Variants in RGL1 observed in about 807,000 individuals in gnomAD.
The protein encoded by RGL1 is ral guanine nucleotide dissociation stimulator-like 1.
A neutral mutation model predicts 95.2 loss-of-function variants in RGL1; 24 were observed. That is an observed-to-expected ratio of 0.25 (90% CI 0.18 to 0.35). The LOEUF is 0.35. RGL1 is among the 10% of genes least tolerant of loss of function. The pLI is 1.00. For missense variants in RGL1, 715 were observed against 936.3 expected, an observed-to-expected ratio of 0.76 and a Z score of 3.08; for synonymous variants, 329 against 344.9, an observed-to-expected ratio of 0.95 and a Z score of 0.51.
chr1:183,888,627 G>A (rs1443383086), intron 8 of RGL1, 50 bp downstream of exon 8: 2 of 1,137,488 alleles, frequency 1.8e-6, no homozygotes, highest in Non-Finnish European at 2.7e-6. Flanking sequence ...GATAATTAGT[G>A]GTTGTGATGA....
Position 183,774,721 on chromosome 1 carries a change from G to A in RGL1, c.133-31654G>A, listed in dbSNP as rs183870126. On this transcript the variant is annotated intron_variant, in intron 2 of 18. Coordinates refer to the RGL1 transcript ENST00000304685. Reference sequence around the variant, plus strand: ...CTCCCGAGTAGCTGGGAGTACAGGCGCATGCCACCATGCCCGGCTAATTTT... The same window carrying A: ...CTCCCGAGTAGCTGGGAGTACAGGCACATGCCACCATGCCCGGCTAATTTT... Among the ~76,000 whole-genome samples the A allele has an allele frequency of 1.9e-3, 290 of 151,800 alleles. 1 individual carries two copies. Among genetic ancestry groups the A allele is most frequent in the African/African-American group, 5.9e-3 (245 of 41,382 alleles).
At chr1:183,742,361 G>A in intron 2 of RGL1, 2 of 1,576,544 alleles carry the variant, frequency 1.3e-6, no homozygotes, top group Non-Finnish European at 8.7e-7. Context: ...AATTCTTCGT[G>A]TAGCCAGCAC....
chr1:183,845,869 C>G (rs894554348), intron 2 of RGL1, among the ~76,000 whole-genome samples: 1 of 152,214 alleles, frequency 6.6e-6, no homozygotes, highest in Admixed American at 6.5e-5. Context: ...CAGTATGACT[C>G]AGCTCCAGCA....
Position 183,752,706 on chromosome 1 carries a change from T to TCTCTCTCTCTCTCTCTCTCTCTC in RGL1, c.132+10417_132+10418insCTCTCTCTCTCTCTCTCTCTCTC, listed in dbSNP as rs58775038. ...TCTCTCTCTCTCTCTCTCTCTCTCT[T>TCTCTCTCTCTCTCTCTCTCTCTC]TCCCCTTTCCTCTCTTTGGCCTTAA... On this transcript the variant is annotated intron_variant, in intron 2 of 18. Transcript: ENST00000304685. Among the ~76,000 whole-genome samples, 214 of 110,162 alleles carry TCTCTCTCTCTCTCTCTCTCTCTC rather than the reference T, an allele frequency of 1.9e-3. 31 individuals carry two copies. The highest frequency in any genetic ancestry group is 6.6e-3 in the African/African-American group (170 of 25,828). The allele number at this position is 110,162 out of a possible 152,430, so 72.3% of individuals were successfully genotyped here.
intron 16 of RGL1, among the ~76,000 whole-genome samples, chr1:183,921,000 C>T (rs962468904): frequency 6.6e-6 from 1 of 152,168 alleles, no homozygotes; most frequent in Non-Finnish European, 1.5e-5. Flanking sequence ...TTTCTATAGT[C>T]CTCTTGCCCC....
intron 2 of RGL1, among the ~76,000 whole-genome samples, chr1:183,839,195 A>G (rs1407906333): frequency 6.6e-6 from 1 of 152,120 alleles, no homozygotes; most frequent in South Asian, 2.1e-4. Context: ...TACTCTTCCT[A>G]TTTTAATTGA....
intron 2 of RGL1, among the ~76,000 whole-genome samples, chr1:183,824,313 T>G (rs1181028318): frequency 2.0e-5 from 3 of 152,222 alleles, no homozygotes; most frequent in East Asian, 3.8e-4. Flanking sequence ...CTCCTTTTAG[T>G]GTCCTTCCAG....
At chr1:183,744,511 GC>G (rs938405759) in intron 2 of RGL1, among the ~76,000 whole-genome samples, 31 of 152,190 alleles carry the variant, frequency 2.0e-4, no homozygotes, top group Admixed American at 5.9e-4. Context: ...TGCACCCTAG[GC>G]TTGATGCTTG....
rs549267976 is a variant in RGL1, at chr1:183,742,260, C to T, written c.103C>T (p.Arg35Ter). Residue 35 changes from arginine to a stop codon, truncating the protein, a stop_gained, in exon 2 of 19, where the codon CGA becomes TGA. Coordinates refer to the RGL1 transcript ENST00000304685. LOFTEE classifies it high-confidence loss of function. ...ACACTGGCTGGTGGAAGATCATGTT[C>T]GAATATGGGAAGTTTTAAAGACAGA... is the stretch of plus-strand genomic sequence containing the variant. The T allele has an allele frequency of 6.2e-7, 1 of 1,613,950 alleles. No individual in the cohort carries two copies. Among genetic ancestry groups the T allele is most frequent in the Non-Finnish European group, 8.5e-7 (1 of 1,179,934 alleles).
chr1:183,911,140 T>A (rs951914285), intron 14 of RGL1, among the ~76,000 whole-genome samples: 15 of 152,342 alleles, frequency 9.8e-5, no homozygotes, highest in Non-Finnish European at 1.0e-4. Flanking sequence ...TTCTTTTTTT[T>A]TAAGAAAAAA....
intron 2 of RGL1, among the ~76,000 whole-genome samples, chr1:183,794,667 C>T (rs1660607329): frequency 6.6e-6 from 1 of 152,212 alleles, no homozygotes; most frequent in South Asian, 2.1e-4. Flanking sequence ...ACTATATGGT[C>T]CACTTCTCCA....
intron 1 of RGL1, among the ~76,000 whole-genome samples, chr1:183,723,211 A>G (rs774616094): frequency 3.9e-5 from 6 of 152,236 alleles, no homozygotes; most frequent in Non-Finnish European, 8.8e-5. Context: ...TATTGAGAAA[A>G]TGGAATTTAA....
chr1:183,809,176 G>T (rs766517675), intron 2 of RGL1, among the ~76,000 whole-genome samples: 2 of 152,128 alleles, frequency 1.3e-5, no homozygotes, highest in Non-Finnish European at 2.9e-5. Context: ...GCTTTGTTAC[G>T]TGTCTGTAAT....
intron 2 of RGL1, among the ~76,000 whole-genome samples, chr1:183,833,645 ATAAC>A (rs768854854): frequency 2.6e-5 from 4 of 152,252 alleles, no homozygotes. Flanking sequence ...TCAGGCTACT[ATAAC>A]TAAAACCTTA....
intron 1 of RGL1, among the ~76,000 whole-genome samples, chr1:183,671,629 C>A (rs6663499): frequency 6.6e-6 from 1 of 152,000 alleles, no homozygotes; most frequent in African/African-American, 2.4e-5. Context: ...GCTAATGCCC[C>A]ATAAATCTCC....
chr1:183,752,266 C>T (rs1358386804), intron 2 of RGL1, among the ~76,000 whole-genome samples: 2 of 151,106 alleles, frequency 1.3e-5, no homozygotes, highest in African/African-American at 2.4e-5. Context: ...CTCACTCTGT[C>T]ACCAGGCTGG....
At position 183,912,244 on chromosome 1, in the gene RGL1, C is replaced by T; in HGVS notation, c.1725C>T (p.Asp575=). The change falls in exon 15 of 18, where the codon GAC becomes GAT. Residue 575 remains aspartate, a synonymous_variant. Transcript: ENST00000360851. ...AGGAGGGCTCCATTACTCCCATGGACACCCCTGATGAGCCTCAAAAAAAGG... is the reference window on the plus strand; with the variant it reads ...AGGAGGGCTCCATTACTCCCATGGATACCCCTGATGAGCCTCAAAAAAAGG... The part of the protein sequence containing the change: ...EAEEGSITPM[D]TPDEPQKKLS... 6.2e-7 allele frequency: 1 copy of T among 1,614,068 alleles called. No individual in the cohort carries two copies. The highest frequency in any genetic ancestry group is 8.5e-7 in the Non-Finnish European group (1 of 1,179,976).
chr1:183,648,490 G>A (rs753098454), intron 1 of RGL1: 32 of 1,614,074 alleles, frequency 2.0e-5, no homozygotes, highest in Non-Finnish European at 2.6e-5. Context: ...ATTTCAAAGA[G>A]CATTGATTCT....
At chr1:183,728,079 A>G (rs890247689) in intron 1 of RGL1, among the ~76,000 whole-genome samples, 1 of 152,130 alleles carries the variant, frequency 6.6e-6, no homozygotes, top group African/African-American at 2.4e-5. Context: ...AAAAGCAGGG[A>G]AAGGGAGAAT....
Sources: allele counts gnomAD v4.1 joint callset (sites outside exome capture counted in the v4.1 genomes callset), GRCh38; gene constraint gnomAD v4.1.1; transcripts MANE v1.5; gene names NCBI Gene and HGNC (gene_info 2026-07-23, HGNC 2026-07-21).